Variants in DNAJC3 observed in about 807,000 individuals in gnomAD.
DNAJC3 encodes dnaJ homolog subfamily C member 3.
DNAJC3 carries 38 observed loss-of-function variants against 68.6 expected under a neutral mutation model. The observed-to-expected ratio is 0.55, with a 90% CI of 0.43 to 0.73. DNAJC3 has a LOEUF of 0.73. Ranked by LOEUF, DNAJC3 falls within the 30% of genes least tolerant of loss-of-function variation. The pLI, the probability that DNAJC3 is intolerant of heterozygous loss-of-function variation, is 0.00. For missense variants in DNAJC3, 526 were observed against 591.9 expected, an observed-to-expected ratio of 0.89 and a Z score of 1.16; for synonymous variants, 203 against 204.0, an observed-to-expected ratio of 1.00 and a Z score of 0.04.
chr13:95,710,763 T>A (rs1880930764), intron 2 of DNAJC3, among the ~76,000 whole-genome samples: 1 of 152,208 alleles, frequency 6.6e-6, no homozygotes, highest in Non-Finnish European at 1.5e-5. Context: ...CTTGGCTCAC[T>A]GCAACCTCTG....
chr13:95,688,932 G>T (rs535544244), intron 1 of DNAJC3, among the ~76,000 whole-genome samples: 1,364 of 102,804 alleles, frequency 0.013, 21 homozygotes, highest in African/African-American at 0.045. Context: ...GTGTGGGTGT[G>T]TGTGTGTGTG....
chr13:95,737,469 T>G (rs951644518), intron 4 of DNAJC3, among the ~76,000 whole-genome samples: 4 of 151,368 alleles, frequency 2.6e-5, no homozygotes, highest in African/African-American at 9.7e-5. Flanking sequence ...TTTTGGTTGG[T>G]AAGCTATTGA....
chr13:95,698,349 G>A (rs1880502231), intron 1 of DNAJC3, among the ~76,000 whole-genome samples: 1 of 152,176 alleles, frequency 6.6e-6, no homozygotes, highest in Admixed American at 6.5e-5. Context: ...GGGCTAGACA[G>A]TGGAAATTCC....
intron 4 of DNAJC3, among the ~76,000 whole-genome samples, chr13:95,735,174 T>A (rs1277962328): frequency 6.9e-6 from 1 of 145,240 alleles, no homozygotes; most frequent in Non-Finnish European, 1.5e-5. Flanking sequence ...GGCTGCATAG[T>A]ATTCCATGGT....
At chr13:95,704,851 G>GTTTTTTTTTTTGTTTTTTTTTTTTTTT (rs1880681685) in intron 1 of DNAJC3, among the ~76,000 whole-genome samples, 1 of 97,860 alleles carries the variant, frequency 1.0e-5, no homozygotes, top group Non-Finnish European at 1.9e-5. Flanking sequence ...GTGTGTGTGT[G>GTTTTTTTTTTTGTTTTTTTTTTTTTTT]TTTTTTTTTT....
intron 11 of DNAJC3, 37 bp from the exon 12 acceptor site, chr13:95,790,836 A>G (rs2139702536): frequency 6.3e-7 from 1 of 1,591,086 alleles, no homozygotes; most frequent in Non-Finnish European, 8.6e-7. Context: ...TATACCTTAG[A>G]TATTATCTGG....
At chr13:95,724,381 A>G (rs974787136) in intron 3 of DNAJC3, among the ~76,000 whole-genome samples, 10 of 152,186 alleles carry the variant, frequency 6.6e-5, no homozygotes, top group Non-Finnish European at 1.2e-4. Flanking sequence ...CTTGAAAGAA[A>G]CGGGATTACA....
intron 1 of DNAJC3, among the ~76,000 whole-genome samples, chr13:95,705,127 C>T (rs572620237): frequency 1.3e-5 from 2 of 152,262 alleles, no homozygotes; most frequent in Non-Finnish European, 2.9e-5. Flanking sequence ...GCTGGGATTA[C>T]AGGCATGAGC....
intron 9 of DNAJC3, among the ~76,000 whole-genome samples, chr13:95,778,453 A>ATG (rs1483548829): frequency 6.6e-6 from 1 of 152,222 alleles, no homozygotes; most frequent in African/African-American, 2.4e-5. Context: ...CCCTTACCAA[A>ATG]TGAATGGATA....
chr13:95,773,176 T>A (rs1883203301), intron 9 of DNAJC3, among the ~76,000 whole-genome samples: 1 of 149,214 alleles, frequency 6.7e-6, no homozygotes, highest in South Asian at 2.1e-4. Context: ...TTTCATTTTG[T>A]TTTTGCTTTT....
At chr13:95,750,274 A>C (rs1482438204) in intron 4 of DNAJC3, among the ~76,000 whole-genome samples, 1 of 151,612 alleles carries the variant, frequency 6.6e-6, no homozygotes, top group Middle Eastern at 3.2e-3. Context: ...AAAAAAAAAA[A>C]AAAAAAAAAA....
At chr13:95,702,547 C>A (rs556632291) in intron 1 of DNAJC3, among the ~76,000 whole-genome samples, 6 of 152,264 alleles carry the variant, frequency 3.9e-5, no homozygotes, top group African/African-American at 1.4e-4. Flanking sequence ...TTAGATGATG[C>A]CCTCATGACT....
intron 1 of DNAJC3, among the ~76,000 whole-genome samples, chr13:95,698,771 G>A (rs1210391131): frequency 1.3e-5 from 2 of 152,200 alleles, no homozygotes; most frequent in African/African-American, 2.4e-5. Flanking sequence ...CAAATGCAAA[G>A]GGATGAAGCA....
In DNAJC3 at chr13:95,760,771, C is replaced by A; in HGVS notation, c.821C>A (p.Ser274Ter). ...AAGAAACTTAATAAGCTGATTGAGT[C>A]AGCTGAAGAGCTCATCAGAGATGGC... The part of the protein sequence containing the change: ...QVKKLNKLIE[S>*]AEELIRDGRY... The change falls in exon 7 of 12, where the codon TCA becomes TAA. Residue 274 changes from serine (S) to a stop codon, truncating the protein, a stop_gained. Transcript: ENST00000602402. LOFTEE classifies it high-confidence loss of function. The A allele has an allele frequency of 1.2e-6, 2 of 1,612,110 alleles. No individual in the cohort carries two copies. Among genetic ancestry groups the A allele is most frequent in the South Asian group, 2.2e-5 (2 of 90,676 alleles).
chr13:95,722,492 G>T (rs1178154078), intron 2 of DNAJC3, among the ~76,000 whole-genome samples: 7 of 152,098 alleles, frequency 4.6e-5, no homozygotes, highest in Non-Finnish European at 1.5e-5. Context: ...ATGAGTTGAG[G>T]CTGGGTGCAG....
In DNAJC3 at chr13:95,724,930, A is replaced by G. The variant is rs902454004; in HGVS notation, c.319-248A>G. On this transcript the variant is annotated intron_variant, in intron 3 of 11. Coordinates refer to ENST00000602402, the MANE Select transcript of DNAJC3 (RefSeq NM_006260.5). ...TGGCTATCATTGTGAACATACATGT[A>G]CAAGTTTTTGTGTGGACATGTTTTC... is the stretch of plus-strand genomic sequence containing the variant. 1.9e-4 allele frequency among the ~76,000 whole-genome samples: 29 copies of G among 152,300 alleles called. 1 individual carries two copies. The Middle Eastern group carries it at 0.01, about 54-fold the overall frequency.
chr13:95,703,047 G>A (rs969073778), intron 1 of DNAJC3, among the ~76,000 whole-genome samples: 2 of 152,154 alleles, frequency 1.3e-5, no homozygotes, highest in East Asian at 3.8e-4. Context: ...ATTCATGGTG[G>A]TTATGTTCTG....
chr13:95,765,962 AAAAG>A (rs1346595974), intron 9 of DNAJC3, among the ~76,000 whole-genome samples: 4 of 152,126 alleles, frequency 2.6e-5, no homozygotes, highest in Admixed American at 2.0e-4. Flanking sequence ...CTACATTTGC[AAAAG>A]AAAGAAAGAA....
At chr13:95,739,885 G>A (rs1593994179) in intron 4 of DNAJC3, among the ~76,000 whole-genome samples, 1 of 152,286 alleles carries the variant, frequency 6.6e-6, no homozygotes, top group South Asian at 2.1e-4. Flanking sequence ...GAGGAGATGC[G>A]CTCTGCTTTT....
Sources: allele counts gnomAD v4.1 joint callset (sites outside exome capture counted in the v4.1 genomes callset), GRCh38; gene constraint gnomAD v4.1.1; transcripts MANE v1.5; gene names NCBI Gene and HGNC (gene_info 2026-07-23, HGNC 2026-07-21).